Variants in SBK1 observed in about 807,000 individuals in gnomAD.
SBK1 encodes serine/threonine-protein kinase SBK1.
A neutral mutation model predicts 24.4 loss-of-function variants in SBK1; 11 were observed. The ratio of observed to expected loss-of-function variants is 0.45; its 90% CI spans 0.28 to 0.75. SBK1 has a LOEUF of 0.75. Ranked by LOEUF, SBK1 falls within the 30% of genes least tolerant of loss-of-function variation. The probability of loss-of-function intolerance (pLI) is 0.12; values close to 1 mark genes in which losing one functional copy is unlikely to be tolerated. For missense variants in SBK1, 467 were observed against 620.5 expected (o/e 0.75, Z 2.63); for synonymous variants, 308 against 284.4 (o/e 1.08, Z -0.83).
rs1358083297 is a variant in SBK1 at position 28,319,670 on chromosome 16, G to A, written c.430-406G>A. On this transcript the variant is annotated intron_variant, in intron 3 of 3. Coordinates refer to ENST00000341901, the MANE Select transcript of SBK1 (RefSeq NM_001024401.3). This position sits in a 1 kb window ranked among gnomAD's most constrained non-coding sequence, Gnocchi z 4.0. ...AGCACCTACTACATGCCAGAATCTG[G>A]AGACACAGATGCACGGACACAGCAG... 7.9e-5 allele frequency among the ~76,000 whole-genome samples: 12 copies of A among 152,124 alleles called. No homozygotes were observed. The highest frequency in any genetic ancestry group is 1.8e-4 in the Non-Finnish European group (12 of 68,024).
At position 28,316,130 on chromosome 16, in the gene SBK1, G is replaced by A. The variant is rs908207726; in HGVS notation, c.-7-1255G>A. ...TGTTCATTAGTCGGGTGGTGAGGTC[G>A]TCTGCAGTGGGGGAGGCACTGCCAG... is the stretch of plus-strand genomic sequence containing the variant. On this transcript the variant is annotated intron_variant, in intron 1 of 3. Transcript: ENST00000341901. Among the ~76,000 whole-genome samples the A allele has an allele frequency of 6.6e-5, 10 of 152,270 alleles. No homozygotes were observed. In the South Asian group the frequency reaches 1.4e-3, roughly 22 times the overall value.
At chr16:28,282,338 G>C (rs148232443) in intron 1 of SBK1, among the ~76,000 whole-genome samples, 1,809 of 152,196 alleles carry the variant, frequency 0.012, 33 homozygotes, top group African/African-American at 0.042. Context: ...GAGATGAGTG[G>C]GCATTCGCAC....
intron 1 of SBK1, among the ~76,000 whole-genome samples, chr16:28,297,885 C>T (rs991747329): frequency 6.6e-6 from 1 of 152,186 alleles, no homozygotes; most frequent in Non-Finnish European, 1.5e-5. Flanking sequence ...TGAAGTGGAG[C>T]TTGCCCCTGC....
intron 1 of SBK1, among the ~76,000 whole-genome samples, chr16:28,260,084 T>TTGTGTGTGTG (rs71140958): frequency 6.7e-4 from 101 of 149,940 alleles, no homozygotes; most frequent in African/African-American, 1.8e-3. Context: ...GTGTATTTGC[T>TTGTGTGTGTG]TGTGTGTGTG....
At chr16:28,275,927 A>G (rs2044491897) in intron 1 of SBK1, among the ~76,000 whole-genome samples, 1 of 151,956 alleles carries the variant, frequency 6.6e-6, no homozygotes, top group African/African-American at 2.4e-5. Flanking sequence ...GGAAGGAAGG[A>G]AAGGGTAAAG....
At chr16:28,273,238 G>C (rs1461535274) in intron 1 of SBK1, among the ~76,000 whole-genome samples, 1 of 149,004 alleles carries the variant, frequency 6.7e-6, no homozygotes. Context: ...TTTTTCTTTT[G>C]AGACAGAGTT....
intron 1 of SBK1, among the ~76,000 whole-genome samples, chr16:28,267,787 T>C: frequency 6.6e-6 from 1 of 152,176 alleles, no homozygotes; most frequent in Non-Finnish European, 1.5e-5. Context: ...CCTAAGTACC[T>C]CTGGAAATGA....
upstream of SBK1, among the ~76,000 whole-genome samples, chr16:28,289,644 G>A (rs750225800): frequency 1.3e-5 from 2 of 151,930 alleles, no homozygotes; most frequent in Non-Finnish European, 2.9e-5. Context: ...GTACACACCT[G>A]TAATCCCAAC....
chr16:28,320,798 C>T lies in SBK1; in HGVS notation c.1152C>T (p.Pro384=). 11 of 1,432,414 alleles carry T rather than the reference C, an allele frequency of 7.7e-6. No individual in the cohort carries two copies. Among genetic ancestry groups the T allele is most frequent in the Admixed American group, 2.3e-5 (1 of 42,920 alleles). 88.7% of individuals were successfully genotyped at this position (1,432,414 alleles called of 1,614,324 possible). ...CCGTGCCGGTGCCGGTGCCAGTGCC[C>T]GTGCCGGTGCCTGTGCCCGAGCCCG... ...PLPVPVPVPV[P]VPVPVPEPGL... Residue 384 remains proline, a synonymous_variant, in exon 4 of 4, where the codon CCC becomes CCT. Coordinates refer to ENST00000341901, the MANE Select transcript of SBK1 (RefSeq NM_001024401.3). This position sits in a 1 kb window ranked among gnomAD's most constrained non-coding sequence, Gnocchi z 8.5.
At chr16:28,294,095 T>C (rs1223617448) in intron 1 of SBK1, among the ~76,000 whole-genome samples, 1 of 152,120 alleles carries the variant, frequency 6.6e-6, no homozygotes, top group African/African-American at 2.4e-5. Flanking sequence ...AAGGGTTGGC[T>C]CAATGTGTCC....
chr16:28,292,502 C>G (rs1486589464), upstream of SBK1: 2 of 975,716 alleles, frequency 2.0e-6, no homozygotes, highest in African/African-American at 1.8e-5. Flanking sequence ...GGCAGGTGCG[C>G]GCTGGCTGGA....
At chr16:28,273,888 T>C (rs1432519188) in intron 1 of SBK1, among the ~76,000 whole-genome samples, 4 of 152,208 alleles carry the variant, frequency 2.6e-5, no homozygotes, top group Admixed American at 2.6e-4. Flanking sequence ...CATTCAGTGA[T>C]AAAATGAGCC....
rs1453477558 is a variant in SBK1, at chr16:28,318,362, GTTAC to G, written c.227-630_227-627del. On this transcript the variant is annotated intron_variant, in intron 2 of 3. Transcript: ENST00000341901. ...CCTAACATGGGGTCACCTGAGCTTTGTTACTTGCTTGCTGTGTGACCTTGAGCAA... is the reference window on the plus strand; with the variant it reads ...CCTAACATGGGGTCACCTGAGCTTTGTTGCTTGCTGTGTGACCTTGAGCAA... Among the ~76,000 whole-genome samples the G allele has an allele frequency of 6.6e-5, 10 of 152,248 alleles. No individual in the cohort carries two copies. In the East Asian group the frequency reaches 7.7e-4, roughly 12 times the overall value.
chr16:28,282,295 G>A (rs1361420046), intron 1 of SBK1, among the ~76,000 whole-genome samples: 1 of 151,476 alleles, frequency 6.6e-6, no homozygotes, highest in African/African-American at 2.4e-5. Context: ...AAAGGAGGAA[G>A]AGGTGTCTGA....
In SBK1 at chr16:28,318,990, A is replaced by T. The variant is rs1051610403; in HGVS notation, c.227-5A>T. ...CTTCAACCCTGTTGCTGTTGCTCCCATCAGGCACAAAAATGGCACTGAAGT... is the reference window on the plus strand; with the variant it reads ...CTTCAACCCTGTTGCTGTTGCTCCCTTCAGGCACAAAAATGGCACTGAAGT... On this transcript the variant is annotated splice_polypyrimidine_tract_variant and splice_region_variant and intron_variant, in intron 2 of 3. Transcript: ENST00000341901. The T allele has an allele frequency of 6.2e-7, 1 of 1,613,650 alleles. No individual in the cohort carries two copies. Among genetic ancestry groups the T allele is most frequent in the Non-Finnish European group, 8.5e-7 (1 of 1,179,588 alleles).
intron 1 of SBK1, among the ~76,000 whole-genome samples, chr16:28,306,204 A>G (rs1161264292): frequency 6.6e-6 from 1 of 152,134 alleles, no homozygotes; most frequent in Non-Finnish European, 1.5e-5. Flanking sequence ...GCAAAGCTGC[A>G]GGACACAGCT....
At chr16:28,296,283 C>T (rs1347088648) in intron 1 of SBK1, among the ~76,000 whole-genome samples, 6 of 151,870 alleles carry the variant, frequency 4.0e-5, no homozygotes, top group African/African-American at 7.3e-5. Context: ...TTAGTAGAGA[C>T]GGGGTTTCAC....
rs1277200747 is a variant in SBK1 at position 28,259,368 on chromosome 16, C to T, written c.123C>T (p.Gly41=). ...ATGATGCTGCGGAGGCCACCCCTGG[C>T]CACCCCTGCCCTGTCCTGGAGCTGC... Residue 41 remains glycine, a synonymous_variant, in exon 1 of 4, where the codon GGC becomes GGT. Transcript: ENST00000671413. The surrounding 1 kb of genome is among the most constrained non-coding windows in gnomAD (Gnocchi z 6.0). 5 of 828,902 alleles carry T rather than the reference C, an allele frequency of 6.0e-6. No homozygotes were observed. The Admixed American group carries it at 2.5e-4, about 41-fold the overall frequency. 51.3% of individuals were successfully genotyped at this position (828,902 alleles called of 1,614,324 possible).
chr16:28,300,431 C>T (rs1012663431), intron 1 of SBK1, among the ~76,000 whole-genome samples: 1 of 152,100 alleles, frequency 6.6e-6, no homozygotes, highest in Non-Finnish European at 1.5e-5. Flanking sequence ...GTGATCCTCC[C>T]GCTTCAGCCT....
Sources: gnomAD v4.1 joint callset for allele counts (sites outside exome capture counted in the v4.1 genomes callset) on GRCh38, gnomAD v4.1.1 for gene constraint, Gnocchi (gnomAD v3.1) non-coding constraint, MANE v1.5 for transcripts, NCBI Gene and HGNC (gene_info 2026-07-23, HGNC 2026-07-21) for gene names.